The following EPHA6 variants were observed in gnomAD, a reference collection of about 807,000 sequenced individuals.
EPHA6 encodes the protein EPH receptor A6.
A neutral mutation model predicts 112.0 loss-of-function variants in EPHA6; 50 were observed. That is an observed-to-expected ratio of 0.45 (90% CI 0.36 to 0.56). EPHA6 has a LOEUF of 0.56. EPHA6 is among the 20% of genes least tolerant of loss of function. EPHA6 has a pLI of 0.00. For synonymous variants in EPHA6, 529 were observed against 490.7 expected (o/e 1.08, Z -1.03); for missense variants, 1,280 against 1,417.4 (o/e 0.90, Z 1.56).
chr3:97,099,313 T>A (rs1432805358), intron 3 of EPHA6, among the ~76,000 whole-genome samples: 1 of 151,946 alleles, frequency 6.6e-6, no homozygotes, highest in African/African-American at 2.4e-5. Flanking sequence ...TAGGAAATGT[T>A]TTGTGACTCT....
chr3:97,641,511 G>C (rs1383550493), intron 14 of EPHA6, among the ~76,000 whole-genome samples: 1 of 152,336 alleles, frequency 6.6e-6, no homozygotes, highest in East Asian at 1.9e-4. Context: ...GGTGATTTCT[G>C]CATTTCCATC....
At chr3:97,483,129 G>C (rs2091603084) in intron 9 of EPHA6, among the ~76,000 whole-genome samples, 1 of 152,086 alleles carries the variant, frequency 6.6e-6, no homozygotes, top group African/African-American at 2.4e-5. Flanking sequence ...CAAAACAGAG[G>C]GATATTCATG....
At chr3:97,469,560 A>G (rs537584819) in intron 7 of EPHA6, among the ~76,000 whole-genome samples, 3 of 151,848 alleles carry the variant, frequency 2.0e-5, no homozygotes, top group African/African-American at 7.2e-5. Context: ...GGGTACCTGA[A>G]CTAAGAAAAT....
chr3:96,868,081 G>T (rs2036421811), intron 2 of EPHA6, among the ~76,000 whole-genome samples: 1 of 151,438 alleles, frequency 6.6e-6, no homozygotes, highest in Non-Finnish European at 1.5e-5. Context: ...CATTCGTATT[G>T]TTGAGTATAT....
intron 3 of EPHA6, among the ~76,000 whole-genome samples, chr3:97,077,479 C>T (rs186672176): frequency 0.014 from 2,138 of 152,186 alleles, 27 homozygotes; most frequent in Non-Finnish European, 0.021. Flanking sequence ...CATGCTGGCC[C>T]GCTGTACCCA....
intron 3 of EPHA6, among the ~76,000 whole-genome samples, chr3:97,131,746 A>G (rs886315162): frequency 2.6e-5 from 4 of 152,138 alleles, no homozygotes; most frequent in African/African-American, 9.6e-5. Context: ...AGAGTAATAA[A>G]CATTTTCATC....
At chr3:97,430,617 T>G (rs1298756410) in intron 6 of EPHA6, among the ~76,000 whole-genome samples, 1 of 152,150 alleles carries the variant, frequency 6.6e-6, no homozygotes, top group Non-Finnish European at 1.5e-5. Context: ...AACTATAATT[T>G]GATTTTCATT....
In EPHA6 at chr3:97,234,563, G is replaced by A. The variant is rs150197999; in HGVS notation, c.1270+8144G>A. Among the ~76,000 whole-genome samples, 498 of 152,128 alleles carry A rather than the reference G, an allele frequency of 3.3e-3. 1 individual carries two copies. The highest frequency in any genetic ancestry group is 0.011 in the African/African-American group (461 of 41,506). On this transcript the variant is annotated intron_variant, in intron 4 of 17. Coordinates refer to ENST00000389672, the MANE Select transcript of EPHA6 (RefSeq NM_001080448.3). ...AAACATTTTTTGTCCTGTTATTCATGACACTTATCCTGTTGATCATTCTTT... is the reference window on the plus strand; with the variant it reads ...AAACATTTTTTGTCCTGTTATTCATAACACTTATCCTGTTGATCATTCTTT...
chr3:97,506,300 G>A (rs2092251485), intron 10 of EPHA6, among the ~76,000 whole-genome samples: 1 of 152,176 alleles, frequency 6.6e-6, no homozygotes, highest in Non-Finnish European at 1.5e-5. Context: ...TTCTTCTAGA[G>A]TTTTTATGGT....
intron 14 of EPHA6, among the ~76,000 whole-genome samples, chr3:97,667,594 C>T (rs1395030273): frequency 2.6e-5 from 4 of 152,146 alleles, no homozygotes; most frequent in African/African-American, 7.2e-5. Context: ...TTAATTTAAA[C>T]TGTAGAAAAA....
chr3:97,735,492 T>TA (rs1332704901), intron 15 of EPHA6, among the ~76,000 whole-genome samples: 1 of 152,058 alleles, frequency 6.6e-6, no homozygotes, highest in Non-Finnish European at 1.5e-5. Flanking sequence ...CATAAAAGGA[T>TA]AAAAAATGAC....
intron 2 of EPHA6, among the ~76,000 whole-genome samples, chr3:96,904,255 C>T (rs1198746175): frequency 6.6e-6 from 1 of 151,902 alleles, no homozygotes. Flanking sequence ...GGCACATATA[C>T]ACCATGGAAT....
chr3:97,131,766 T>C (rs978949431), intron 3 of EPHA6, among the ~76,000 whole-genome samples: 6 of 152,138 alleles, frequency 3.9e-5, no homozygotes, highest in African/African-American at 1.4e-4. Context: ...CTTGCTGTAC[T>C]GTTATTGCTA....
At chr3:97,625,908 G>T (rs1219474187) in intron 13 of EPHA6, among the ~76,000 whole-genome samples, 1 of 151,620 alleles carries the variant, frequency 6.6e-6, no homozygotes, top group Non-Finnish European at 1.5e-5. Flanking sequence ...CCCAAGACTG[G>T]AGTGTTGGGA....
chr3:97,361,809 C>T (rs1158411439), intron 5 of EPHA6, among the ~76,000 whole-genome samples: 1 of 152,118 alleles, frequency 6.6e-6, no homozygotes, highest in African/African-American at 2.4e-5. Context: ...CTCAATACTG[C>T]CACTTTGGGG....
In EPHA6 at chr3:97,112,641, TG is replaced by T. The variant is rs150562768; in HGVS notation, c.1115-113621del. Among the ~76,000 whole-genome samples, 303 of 147,264 alleles carry T rather than the reference TG, an allele frequency of 2.1e-3. 1 individual carries two copies. The highest frequency in any genetic ancestry group is 7.1e-3 in the African/African-American group (291 of 40,788). The stretch of plus-strand genomic sequence containing the variant: ...TCTGTCTGAAATGATACACTATGAG[TG>T]GTTTTTTTTTTCTAGCCTAGTATGA... On this transcript the variant is annotated intron_variant, in intron 3 of 17. Coordinates refer to ENST00000389672, the MANE Select transcript of EPHA6 (RefSeq NM_001080448.3).
chr3:96,893,239 C>G (rs1444702092), intron 2 of EPHA6, among the ~76,000 whole-genome samples: 1 of 152,066 alleles, frequency 6.6e-6, no homozygotes, highest in Admixed American at 6.5e-5. Context: ...TTATAAATGA[C>G]TGTGTTACTG....
chr3:96,879,968 G>A (rs1474099466), intron 2 of EPHA6, among the ~76,000 whole-genome samples: 7 of 151,960 alleles, frequency 4.6e-5, no homozygotes, highest in Admixed American at 3.9e-4. Context: ...ATAGGAGGGG[G>A]CAGTGAAGGA....
At chr3:97,519,348 G>A (rs1330434008) in intron 10 of EPHA6, among the ~76,000 whole-genome samples, 1 of 152,026 alleles carries the variant, frequency 6.6e-6, no homozygotes, top group Non-Finnish European at 1.5e-5. Context: ...CTGTTCCATT[G>A]GTCTGTTTTT....
Sources: gnomAD v4.1 joint callset for allele counts (sites outside exome capture counted in the v4.1 genomes callset) on GRCh38, gnomAD v4.1.1 for gene constraint, MANE v1.5 for transcripts, NCBI Gene and HGNC (gene_info 2026-07-23, HGNC 2026-07-21) for gene names.